SCN11A: variants seen among roughly 807,000 people sequenced by gnomAD.
The protein encoded by SCN11A is sodium voltage-gated channel alpha subunit 11.
SCN11A carries 122 observed loss-of-function variants against 162.2 expected under a neutral mutation model. The ratio of observed to expected loss-of-function variants is 0.75; its 90% CI spans 0.65 to 0.87. SCN11A has a LOEUF of 0.87. Among genes scored for constraint, SCN11A ranks in the 40% least tolerant of loss-of-function variants. The pLI is 0.00. For missense variants in SCN11A, 2,015 were observed against 2,181.6 expected (o/e 0.92, Z 1.52); for synonymous variants, 758 against 751.5 (o/e 1.01, Z -0.14).
At chr3:39,041,510 C>T (rs1179941762) in intron 1 of SCN11A, among the ~76,000 whole-genome samples, 1 of 152,150 alleles carries the variant, frequency 6.6e-6, no homozygotes, top group Non-Finnish European at 1.5e-5. Flanking sequence ...CAGCATTTTT[C>T]TCAGCAGAAA....
chr3:38,852,667 G>C (rs2064802025), intron 28 of SCN11A, among the ~76,000 whole-genome samples: 1 of 152,144 alleles, frequency 6.6e-6, no homozygotes, highest in Non-Finnish European at 1.5e-5. Context: ...TCAATGCTCA[G>C]GCTAAAACAG....
intron 19 of SCN11A, among the ~76,000 whole-genome samples, chr3:38,892,663 T>TA (rs536049637): frequency 1.3e-5 from 2 of 151,788 alleles, no homozygotes; most frequent in African/African-American, 2.4e-5. Flanking sequence ...TAAGCAATAA[T>TA]AAAAAAAAGT....
intron 10 of SCN11A, 102 bp downstream of exon 10, chr3:38,920,974 G>T: frequency 9.1e-7 from 1 of 1,098,104 alleles, no homozygotes. Flanking sequence ...CTCCCTTGCT[G>T]CTAAGAGACT....
At chr3:38,863,392 T>G in intron 27 of SCN11A, 93 bp from the exon 28 acceptor site, 1 of 659,390 alleles carries the variant, frequency 1.5e-6, no homozygotes. Context: ...TTACATTACA[T>G]TTCTATTAAC....
chr3:38,902,838 A>G (rs1166899756), intron 16 of SCN11A, among the ~76,000 whole-genome samples: 1 of 152,004 alleles, frequency 6.6e-6, no homozygotes, highest in Admixed American at 6.5e-5. Flanking sequence ...TTAACAATGT[A>G]AAACAAATTT....
chr3:38,846,704 T>C lies in SCN11A; in HGVS notation c.5366A>G (p.His1789Arg), dbSNP rs1340672114. ...CGTGGAGGTGAGGGCTCAGTCACAG[T>C]GGACCTTGCCCTTGGCCACCCCAAA... The part of the protein sequence containing the change: ...SSFGVAKGKV[H>R]CD Residue 1789 changes from histidine (H) to arginine (R), a missense_variant, in exon 30 of 30, where the codon CAC (histidine) becomes CGC (arginine). His to Arg is a conservative substitution (Grantham distance 29, BLOSUM62 0). Coordinates refer to ENST00000302328, the MANE Select transcript of SCN11A (RefSeq NM_001349253.2). 11 of 1,613,678 alleles carry C rather than the reference T, an allele frequency of 6.8e-6. No individual in the cohort carries two copies. Among genetic ancestry groups the C allele is most frequent in the Admixed American group, 3.3e-5 (2 of 59,992 alleles).
chr3:38,855,301 C>A (rs1212868314), intron 28 of SCN11A, among the ~76,000 whole-genome samples: 1 of 152,196 alleles, frequency 6.6e-6, no homozygotes, highest in African/African-American at 2.4e-5. Flanking sequence ...TAGCCATAAT[C>A]CCCTCTGGAA....
chr3:39,007,129 C>CG (rs2031001575), intron 2 of SCN11A, among the ~76,000 whole-genome samples: 1 of 152,124 alleles, frequency 6.6e-6, no homozygotes, highest in Non-Finnish European at 1.5e-5. Flanking sequence ...ACACTGGACT[C>CG]ATACCAAGAC....
Position 38,950,202 on chromosome 3 carries a change from A to G in SCN11A, c.161T>C (p.Leu54Pro). The change falls in exon 5 of 30, where the codon CTT (leucine) becomes CCT (proline). Residue 54 changes from leucine to proline, a missense_variant. Transcript: ENST00000302328. ...TGEVPQPRPQLDLKASRKLPK... is the reference protein window; with the variant it reads ...TGEVPQPRPQPDLKASRKLPK... Reference sequence around the variant, plus strand: ...CAACTTCCTGGAGGCCTTTAGGTCAAGCTGAGGCCGAGGCTGGGGTACTTC... The same window carrying G: ...CAACTTCCTGGAGGCCTTTAGGTCAGGCTGAGGCCGAGGCTGGGGTACTTC... 1 of 1,613,990 alleles carries G rather than the reference A, an allele frequency of 6.2e-7. No individual in the cohort carries two copies. Among genetic ancestry groups the G allele is most frequent in the Admixed American group, 1.7e-5 (1 of 60,020 alleles).
intron 7 of SCN11A, among the ~76,000 whole-genome samples, chr3:38,943,233 G>A (rs1395270812): frequency 6.6e-6 from 1 of 152,118 alleles, no homozygotes; most frequent in Admixed American, 6.5e-5. Flanking sequence ...ATCATACATA[G>A]CATATGAAAT....
chr3:38,908,872 A>T (rs1179615700), intron 13 of SCN11A, 125 bp downstream of exon 13: 7 of 763,424 alleles, frequency 9.2e-6, no homozygotes. Context: ...TTCTCAGAAA[A>T]GCACCAGTAG....
At chr3:38,857,142 C>T (rs1032326877) in intron 28 of SCN11A, among the ~76,000 whole-genome samples, 8 of 151,942 alleles carry the variant, frequency 5.3e-5, no homozygotes, top group African/African-American at 1.9e-4. Context: ...GCAATGGATC[C>T]AAACCAAGAA....
In SCN11A at chr3:38,960,371, G is replaced by A. The variant is rs1364057633; in HGVS notation, c.-227C>T. On this transcript the variant is annotated 5_prime_UTR_variant, in exon 3 of 30. Coordinates refer to ENST00000302328, the MANE Select transcript of SCN11A (RefSeq NM_001349253.2). Reference sequence around the variant, plus strand: ...GAGCAAGTCTCTCAGCAGAGTTCGAGCTTCTGCTCCTGGCAGCTGCCTGGA... The same window carrying A: ...GAGCAAGTCTCTCAGCAGAGTTCGAACTTCTGCTCCTGGCAGCTGCCTGGA... Among the ~76,000 whole-genome samples the A allele has an allele frequency of 3.3e-5, 5 of 152,198 alleles. No individual in the cohort carries two copies. Among genetic ancestry groups the A allele is most frequent in the Non-Finnish European group, 7.3e-5 (5 of 68,036 alleles).
At chr3:38,862,976 T>C (rs2064987997) in intron 28 of SCN11A, among the ~76,000 whole-genome samples, 1 of 152,202 alleles carries the variant, frequency 6.6e-6, no homozygotes, top group African/African-American at 2.4e-5. Context: ...TAAGCACATA[T>C]TGCCTGGCTC....
chr3:38,973,746 G>T (rs1301761169), intron 2 of SCN11A, among the ~76,000 whole-genome samples: 4 of 152,224 alleles, frequency 2.6e-5, no homozygotes, highest in Admixed American at 1.3e-4. Context: ...CCACCCTGAA[G>T]ATCTTAGGCT....
At chr3:38,966,227 G>A (rs560018379) in intron 2 of SCN11A, among the ~76,000 whole-genome samples, 3 of 152,266 alleles carry the variant, frequency 2.0e-5, no homozygotes, top group African/African-American at 7.2e-5. Context: ...GTTGCAGGTC[G>A]TCAGTCCTCC....
chr3:38,885,363 T>C lies in SCN11A; in HGVS notation c.2989A>G (p.Ile997Val). Reference sequence around the variant, plus strand: ...CATCCAAAGCCATCCTGAAGATCAATGGTGCTACATTCTGATAGTATACTG... The same window carrying C: ...CATCCAAAGCCATCCTGAAGATCAACGGTGCTACATTCTGATAGTATACTG... ...VTSILSECST[I>V]DLQDGFGWLP... The change falls in exon 21 of 30, where the codon ATT (isoleucine) becomes GTT (valine). Residue 997 changes from isoleucine to valine, a missense_variant. Ile to Val is a conservative substitution (Grantham distance 29). Transcript: ENST00000302328. 1.9e-6 allele frequency: 3 copies of C among 1,613,130 alleles called. No homozygotes were observed. The highest frequency in any genetic ancestry group is 1.3e-5 in the African/African-American group (1 of 75,048).
chr3:38,894,649 G>C lies in SCN11A; in HGVS notation c.2719C>G (p.Leu907Val). 1 of 1,614,112 alleles carries C rather than the reference G, an allele frequency of 6.2e-7. No homozygotes were observed. Among genetic ancestry groups the C allele is most frequent in the Non-Finnish European group, 8.5e-7 (1 of 1,179,982 alleles). ...LGILTSVPKT[L>V]GVRHDWTWLA... ...CAAGTCCAATCATGCCTGACGCCCA[G>C]GGTCTTTGGTACAGAGGTTAGTATA... Residue 907 changes from leucine (L) to valine (V), a missense_variant, in exon 19 of 30, where the codon CTG becomes GTG. Transcript: ENST00000302328.
At chr3:38,932,665 G>A (rs546525842) in intron 7 of SCN11A, among the ~76,000 whole-genome samples, 1 of 152,338 alleles carries the variant, frequency 6.6e-6, no homozygotes, top group African/African-American at 2.4e-5. Context: ...AGGGAGGCTG[G>A]GGGAGGGGCA....
Sources: gnomAD v4.1 joint callset for allele counts (sites outside exome capture counted in the v4.1 genomes callset) on GRCh38, gnomAD v4.1.1 for gene constraint, MANE v1.5 for transcripts, NCBI Gene and HGNC (gene_info 2026-07-23, HGNC 2026-07-21) for gene names.